The following RIMOC1 variants were observed in gnomAD, a reference collection of about 807,000 sequenced individuals.
The protein encoded by RIMOC1 is RAB7A interacting MON1-CCZ1 complex subunit 1, also known as RAB7A-interacting MON1-CCZ1 complex subunit 1.
the RIMOC1 span, chr5:41,920,179 G>T: frequency 9.2e-5 from 14 of 152,092 alleles, no homozygotes; most frequent in Non-Finnish European, 1.5e-5. Flanking sequence ...AGACCACTTG[G>T]TCTCACTGGT....
chr5:41,906,735 G>A, the RIMOC1 span, among the ~76,000 whole-genome samples: 1 of 152,168 alleles, frequency 6.6e-6, no homozygotes, highest in Non-Finnish European at 1.5e-5. Context: ...TCACATGATT[G>A]CCAACAGACA....
the RIMOC1 span, among the ~76,000 whole-genome samples, chr5:41,915,590 A>G: frequency 6.6e-6 from 1 of 152,314 alleles, no homozygotes; most frequent in East Asian, 1.9e-4. Context: ...ATCATGGCAG[A>G]AGGCAGAAGG....
At chr5:41,906,204 TA>T in the RIMOC1 span, among the ~76,000 whole-genome samples, 1 of 152,230 alleles carries the variant, frequency 6.6e-6, no homozygotes, top group African/African-American at 2.4e-5. Flanking sequence ...CAATTTTTGT[TA>T]ATTTATTTCT....
chr5:41,907,837 A>G, the RIMOC1 span: 15 of 1,595,090 alleles, frequency 9.4e-6, no homozygotes, highest in African/African-American at 1.3e-5. Context: ...AGAACTTTAC[A>G]CACAGGTACT....
the RIMOC1 span, chr5:41,909,885 A>T: frequency 6.3e-7 from 1 of 1,575,334 alleles, no homozygotes; most frequent in Non-Finnish European, 8.6e-7. Context: ...AATAATATGC[A>T]TCCAAAAGTA....
the RIMOC1 span, among the ~76,000 whole-genome samples, chr5:41,913,617 T>A: frequency 1.3e-5 from 2 of 152,196 alleles, no homozygotes; most frequent in African/African-American, 4.8e-5. Flanking sequence ...GGGAAAAAAA[T>A]GAAATGTGAA....
chr5:41,909,969 TTTC>T, the RIMOC1 span: 1 of 1,203,100 alleles, frequency 8.3e-7, no homozygotes, highest in Non-Finnish European at 1.2e-6. Context: ...TCTATATTTT[TTTC>T]TTCTTGATTG....
chr5:41,912,146 T>C, the RIMOC1 span: 225 of 1,610,606 alleles, frequency 1.4e-4, no homozygotes, highest in Non-Finnish European at 1.8e-4. Context: ...AAGGAGTTTC[T>C]TTCCAAGATC....
chr5:41,907,764 A>G, the RIMOC1 span: 9 of 1,609,266 alleles, frequency 5.6e-6, no homozygotes, highest in South Asian at 3.3e-5. Context: ...CCTCTGCAGC[A>G]TTAGAAAAAT....
chr5:41,905,184 C>T, the RIMOC1 span, among the ~76,000 whole-genome samples: 1 of 152,166 alleles, frequency 6.6e-6, no homozygotes, highest in African/African-American at 2.4e-5. Context: ...ATTCTGTGGA[C>T]TGACTCATAT....
chr5:41,906,207 T>C, the RIMOC1 span, among the ~76,000 whole-genome samples: 1 of 152,230 alleles, frequency 6.6e-6, no homozygotes, highest in Non-Finnish European at 1.5e-5. Flanking sequence ...TTTTTGTTAA[T>C]TTATTTCTCA....
At chr5:41,917,157 A>G in the RIMOC1 span, 5 of 1,613,776 alleles carry the variant, frequency 3.1e-6, no homozygotes, top group African/African-American at 4.0e-5. Flanking sequence ...ACTACATACA[A>G]GGAACCCTTG....
chr5:41,915,816 G>A, the RIMOC1 span, among the ~76,000 whole-genome samples: 2 of 152,198 alleles, frequency 1.3e-5, no homozygotes, highest in Non-Finnish European at 2.9e-5. Context: ...GGGACACAGA[G>A]CCAAACCATA....
chr5:41,915,668 A>G, the RIMOC1 span, among the ~76,000 whole-genome samples: 1 of 152,176 alleles, frequency 6.6e-6, no homozygotes, highest in African/African-American at 2.4e-5. Flanking sequence ...TTATAAAACT[A>G]TTAGATCTCT....
the RIMOC1 span, chr5:41,916,559 A>G: frequency 1.4e-6 from 1 of 695,614 alleles, no homozygotes; most frequent in Non-Finnish European, 1.8e-6. Flanking sequence ...TAAGAGGTCT[A>G]GGATACTTGA....
the RIMOC1 span, among the ~76,000 whole-genome samples, chr5:41,915,501 CAATAAAG>C: frequency 6.6e-6 from 1 of 152,108 alleles, no homozygotes; most frequent in Non-Finnish European, 1.5e-5. Flanking sequence ...TTCATGCTGC[CAATAAAG>C]ACATACCCAA....
the RIMOC1 span, chr5:41,911,960 A>G: frequency 6.8e-6 from 5 of 731,712 alleles, no homozygotes; most frequent in East Asian, 5.2e-5. Flanking sequence ...AGCTATGCCT[A>G]TATATTAACC....
chr5:41,911,007 C>T, the RIMOC1 span: 1 of 1,588,500 alleles, frequency 6.3e-7, no homozygotes, highest in Non-Finnish European at 8.5e-7. Flanking sequence ...TATAGACATC[C>T]AGTTTCCCTT....
At chr5:41,910,500 G>A in the RIMOC1 span, among the ~76,000 whole-genome samples, 1 of 151,672 alleles carries the variant, frequency 6.6e-6, no homozygotes, top group African/African-American at 2.4e-5. Flanking sequence ...TCTAGTCCTG[G>A]ATACTCTTTG....
Sources: gnomAD v4.1 joint callset for allele counts (sites outside exome capture counted in the v4.1 genomes callset) on GRCh38, gnomAD v4.1.1 for gene constraint, MANE v1.5 for transcripts, NCBI Gene and HGNC (gene_info 2026-07-23, HGNC 2026-07-21) for gene names.